AP3M1: variants seen among roughly 807,000 people sequenced by gnomAD.
The protein encoded by AP3M1 is adaptor related protein complex 3 subunit mu 1, also known as AP-3 complex subunit mu-1.
Under a neutral mutation model 42.6 loss-of-function variants are expected in AP3M1, and 29 were observed. The observed-to-expected ratio is 0.68, with a 90% CI of 0.51 to 0.93. AP3M1 has a LOEUF of 0.93. Among genes scored for constraint, AP3M1 ranks in the 40% least tolerant of loss-of-function variants. The probability of loss-of-function intolerance (pLI) is 0.00; values close to 1 mark genes in which losing one functional copy is unlikely to be tolerated. For synonymous variants in AP3M1, 178 were observed against 175.3 expected (o/e 1.02, Z -0.12); for missense variants, 416 against 510.2 (o/e 0.82, Z 1.78).
chr10:74,134,592 C>T (rs1467456428), intron 3 of AP3M1, among the ~76,000 whole-genome samples: 6 of 152,206 alleles, frequency 3.9e-5, no homozygotes, highest in South Asian at 2.1e-4. Flanking sequence ...CTGCCAAGCA[C>T]GCCTCAGTGG....
intron 6 of AP3M1, among the ~76,000 whole-genome samples, chr10:74,128,100 T>TAAAAAAAAAA (rs754897677): frequency 1.5e-5 from 1 of 68,444 alleles, no homozygotes; most frequent in African/African-American, 6.4e-5. Flanking sequence ...AACTCCGGCT[T>TAAAAAAAAAA]AAAAAAAAAA....
chr10:74,145,731 C>A (rs1368928265), intron 1 of AP3M1, among the ~76,000 whole-genome samples: 1 of 152,122 alleles, frequency 6.6e-6, no homozygotes, highest in Non-Finnish European at 1.5e-5. Context: ...AGAGGCAGAC[C>A]CACCAGAGCT....
At chr10:74,137,918 T>C (rs1160235722) in intron 2 of AP3M1, among the ~76,000 whole-genome samples, 189 bp downstream of exon 2, 2 of 152,082 alleles carry the variant, frequency 1.3e-5, no homozygotes, top group Admixed American at 1.3e-4. Flanking sequence ...GTAATACATA[T>C]AAAAAATAGT....
chr10:74,140,390 C>T (rs1408307169), intron 1 of AP3M1, among the ~76,000 whole-genome samples: 4 of 152,230 alleles, frequency 2.6e-5, no homozygotes, highest in Non-Finnish European at 5.9e-5. Context: ...TGCCGACCAG[C>T]GCCTTCAAAG....
chr10:74,133,091 A>G (rs138188015), intron 4 of AP3M1, among the ~76,000 whole-genome samples: 17,568 of 152,102 alleles, frequency 0.12, 1,064 homozygotes, highest in Middle Eastern at 0.2. Flanking sequence ...CGTCTCTACT[A>G]AAAATACAAA....
chr10:74,134,212 T>C (rs1240012046), intron 3 of AP3M1, 48 bp from the exon 4 acceptor site: 1 of 1,550,192 alleles, frequency 6.5e-7, no homozygotes, highest in Non-Finnish European at 8.7e-7. Context: ...AAAACAGTCA[T>C]GAGAAAATTT....
chr10:74,130,091 GAC>G, intron 4 of AP3M1, 99 bp from the exon 5 acceptor site: 1 of 891,926 alleles, frequency 1.1e-6, no homozygotes, highest in Non-Finnish European at 1.8e-6. Context: ...TGTTTTTAGA[GAC>G]AGAGTCTTGC....
At position 74,129,189 on chromosome 10, in the gene AP3M1, C is replaced by A. The variant is rs754368138; in HGVS notation, c.722G>T (p.Arg241Leu). ...TGACAAAACTCTTTCAGATTCCCAACGCTTGAACCGGATGCAGGGGTGAAA... is the reference window on the plus strand; with the variant it reads ...TGACAAAACTCTTTCAGATTCCCAAAGCTTGAACCGGATGCAGGGGTGAAA... ...VSFHPCIRFK[R>L]WESERVLSFI... The change falls in exon 6 of 9, where the codon CGT (arginine) becomes CTT (leucine). Residue 241 changes from arginine (R) to leucine (L), a missense_variant. Arg to Leu is a moderately radical substitution (Grantham distance 102). Coordinates refer to ENST00000355264, the MANE Select transcript of AP3M1 (RefSeq NM_012095.6). The A allele has an allele frequency of 5.0e-6, 8 of 1,614,076 alleles. No individual in the cohort carries two copies. Among genetic ancestry groups the A allele is most frequent in the Non-Finnish European group, 6.8e-6 (8 of 1,179,994 alleles).
intron 7 of AP3M1, among the ~76,000 whole-genome samples, chr10:74,125,216 T>G (rs919602611): frequency 4.6e-5 from 7 of 152,196 alleles, no homozygotes; most frequent in Non-Finnish European, 1.0e-4. Flanking sequence ...TGACCTCAGG[T>G]GATCCACCCA....
At position 74,124,388 on chromosome 10, in the gene AP3M1, G is replaced by T; in HGVS notation, c.1148C>A (p.Ala383Asp). 6.2e-7 allele frequency: 1 copy of T among 1,605,940 alleles called. No homozygotes were observed. The highest frequency in any genetic ancestry group is 8.5e-7 in the Non-Finnish European group (1 of 1,177,940). The change falls in exon 8 of 9, where the codon GCT (alanine) becomes GAT (aspartate). Residue 383 changes from alanine to aspartate, a missense_variant. Physicochemically the swap from Ala to Asp is moderately radical, Grantham distance 126. Coordinates refer to ENST00000355264, the MANE Select transcript of AP3M1 (RefSeq NM_012095.6). Reference protein sequence around the residue: ...LNIQFKIQQLAISGLKVNRLD... With the variant: ...LNIQFKIQQLDISGLKVNRLD... ...GTCAACCTTATCCTTACCTGAAATA[G>T]CAAGCTGCTGGATCTTAAACTGTAT...
At chr10:74,139,719 C>T (rs1011483229) in intron 1 of AP3M1, among the ~76,000 whole-genome samples, 4 of 151,700 alleles carry the variant, frequency 2.6e-5, no homozygotes, top group Admixed American at 2.0e-4. Context: ...AGATCGAGAC[C>T]ATCCTGGCTA....
At chr10:74,126,659 C>T (rs1840623970) in intron 6 of AP3M1, among the ~76,000 whole-genome samples, 1 of 151,716 alleles carries the variant, frequency 6.6e-6, no homozygotes, top group Admixed American at 6.6e-5. Flanking sequence ...GAGTTTGAGA[C>T]CAGCCTGGCC....
rs576533898 is a variant in AP3M1 at position 74,139,832 on chromosome 10, G to A, written c.-3-1450C>T. Among the ~76,000 whole-genome samples the A allele has an allele frequency of 5.3e-5, 8 of 151,434 alleles. 1 individual carries two copies. The South Asian group carries it at 8.4e-4, about 16-fold the overall frequency. Reference sequence around the variant, plus strand: ...TGAGGCAGAAGAATCGCTTGAACCCGGGAGGCGGAGGTTGCAGTGAGCCGA... The same window carrying A: ...TGAGGCAGAAGAATCGCTTGAACCCAGGAGGCGGAGGTTGCAGTGAGCCGA... On this transcript the variant is annotated intron_variant, in intron 1 of 8. Transcript: ENST00000355264.
intron 3 of AP3M1, 37 bp from the exon 4 acceptor site, chr10:74,134,201 T>TAAA: frequency 6.4e-7 from 1 of 1,574,040 alleles, no homozygotes; most frequent in South Asian, 1.2e-5. Flanking sequence ...AGCTGATGTA[T>TAAA]AAAACAGTCA....
intron 1 of AP3M1, among the ~76,000 whole-genome samples, chr10:74,147,588 T>C (rs1387225074): frequency 6.6e-6 from 1 of 152,258 alleles, no homozygotes; most frequent in Non-Finnish European, 1.5e-5. Flanking sequence ...TTATGTATTG[T>C]ATTTGTGCTT....
intron 1 of AP3M1, among the ~76,000 whole-genome samples, chr10:74,143,226 C>G (rs1841214586): frequency 6.6e-6 from 1 of 152,228 alleles, no homozygotes; most frequent in Admixed American, 6.5e-5. Context: ...TGGCGTGCGC[C>G]TGTAATCCCA....
intron 4 of AP3M1, among the ~76,000 whole-genome samples, chr10:74,130,827 T>C (rs757059564): frequency 1.3e-5 from 2 of 152,110 alleles, no homozygotes; most frequent in Non-Finnish European, 2.9e-5. Flanking sequence ...TTTAAAACAT[T>C]TGGCAGGACG....
At chr10:74,125,180 T>G (rs1840578980) in intron 7 of AP3M1, among the ~76,000 whole-genome samples, 2 of 152,220 alleles carry the variant, frequency 1.3e-5, no homozygotes. Flanking sequence ...GGTTTCTCCA[T>G]GTTGGTCAGG....
At chr10:74,142,824 AC>A (rs1841198629) in intron 1 of AP3M1, among the ~76,000 whole-genome samples, 1 of 152,208 alleles carries the variant, frequency 6.6e-6, no homozygotes, top group Non-Finnish European at 1.5e-5. Context: ...TAGCTGATAA[AC>A]TTTTCATTTT....
Sources: allele counts gnomAD v4.1 joint callset (sites outside exome capture counted in the v4.1 genomes callset), GRCh38; gene constraint gnomAD v4.1.1; transcripts MANE v1.5; gene names NCBI Gene and HGNC (gene_info 2026-07-23, HGNC 2026-07-21).